RBFOX3: variants seen among roughly 807,000 people sequenced by gnomAD.
RBFOX3 encodes the protein RNA binding protein fox-1 homolog 3.
Under a neutral mutation model 48.7 loss-of-function variants are expected in RBFOX3, and 17 were observed. That is an observed-to-expected ratio of 0.35 (90% CI 0.24 to 0.52). The LOEUF (loss-of-function observed/expected upper bound fraction) is 0.52, where lower values mean the gene tolerates loss of function less well. Ranked by LOEUF, RBFOX3 falls within the 20% of genes least tolerant of loss-of-function variation. RBFOX3 has a pLI of 0.94. For missense variants in RBFOX3, 382 were observed against 497.5 expected, an observed-to-expected ratio of 0.77 and a Z score of 2.21; for synonymous variants, 212 against 209.5, an observed-to-expected ratio of 1.01 and a Z score of -0.10.
intron 2 of RBFOX3, among the ~76,000 whole-genome samples, chr17:79,358,408 C>T (rs535346416): frequency 1.3e-5 from 2 of 152,000 alleles, no homozygotes; most frequent in African/African-American, 4.8e-5. Flanking sequence ...AGGCAAAATC[C>T]CACCTCCTCC....
chr17:79,355,266 G>A (rs1400006881), intron 2 of RBFOX3, among the ~76,000 whole-genome samples: 1 of 152,248 alleles, frequency 6.6e-6, no homozygotes, highest in African/African-American at 2.4e-5. Context: ...CTCTGAACAA[G>A]CATGTGAAGC....
At position 79,097,060 on chromosome 17, in the gene RBFOX3, G is replaced by A. The variant is rs146405464; in HGVS notation, c.756-227C>T. ...TAAAGCATCCAGACAAGGTTCTGGGGCTCTGAATGTCCCCCTAAATGCCAG... is the reference window on the plus strand; with the variant it reads ...TAAAGCATCCAGACAAGGTTCTGGGACTCTGAATGTCCCCCTAAATGCCAG... On this transcript the variant is annotated intron_variant, in intron 11 of 14. Coordinates refer to ENST00000693108, the MANE Select transcript of RBFOX3 (RefSeq NM_001350451.2). 3.0e-4 allele frequency among the ~76,000 whole-genome samples: 46 copies of A among 152,216 alleles called. No homozygotes were observed. In the East Asian group the frequency reaches 7.0e-3, roughly 23 times the overall value.
intron 3 of RBFOX3, among the ~76,000 whole-genome samples, chr17:79,266,448 T>C (rs1440832572): frequency 6.6e-6 from 1 of 152,232 alleles, no homozygotes; most frequent in Non-Finnish European, 1.5e-5. Flanking sequence ...TAGGGGGTAT[T>C]ATTCAGAACT....
intron 2 of RBFOX3, among the ~76,000 whole-genome samples, chr17:79,342,398 G>C (rs7220592): frequency 0.74 from 112,606 of 152,022 alleles, 42,144 homozygotes; most frequent in Non-Finnish European, 0.81. Flanking sequence ...CAGAGTCGAA[G>C]TCTCTCTCTC....
intron 6 of RBFOX3, among the ~76,000 whole-genome samples, chr17:79,104,658 G>A (rs1261564911): frequency 6.6e-6 from 1 of 152,226 alleles, no homozygotes; most frequent in African/African-American, 2.4e-5. Context: ...GGAGACAGAG[G>A]GACATGAGTG....
At chr17:79,352,225 G>GT (rs2147020202) in intron 2 of RBFOX3, among the ~76,000 whole-genome samples, 1 of 152,282 alleles carries the variant, frequency 6.6e-6, no homozygotes, top group African/African-American at 2.4e-5. Flanking sequence ...CATGGGGGTG[G>GT]TTTTTAATGT....
In RBFOX3 at chr17:79,480,217, A is replaced by T. The variant is rs1254140441; in HGVS notation, c.-175+2237T>A. 1.3e-5 allele frequency among the ~76,000 whole-genome samples: 2 copies of T among 151,980 alleles called. No homozygotes were observed. Among genetic ancestry groups the T allele is most frequent in the African/African-American group, 4.8e-5 (2 of 41,394 alleles). ...GTGGCCTTCCTATCTGGGCTCCCCG[A>T]GGGGGCCCCTGATGGTTTACGGAAT... On this transcript the variant is annotated intron_variant, in intron 2 of 14. Coordinates refer to ENST00000693108, the MANE Select transcript of RBFOX3 (RefSeq NM_001350451.2). This position sits in a 1 kb window ranked among gnomAD's most constrained non-coding sequence, Gnocchi z 4.8.
At chr17:79,555,501 G>A (rs1274022203) in intron 1 of RBFOX3, among the ~76,000 whole-genome samples, 1 of 82,614 alleles carries the variant, frequency 1.2e-5, no homozygotes, top group Non-Finnish European at 2.4e-5. Context: ...CAGTGGTGGT[G>A]GTGGTGGTGA....
chr17:79,286,933 C>G (rs1026310271), intron 3 of RBFOX3, among the ~76,000 whole-genome samples: 2 of 152,192 alleles, frequency 1.3e-5, no homozygotes, highest in Non-Finnish European at 2.9e-5. Context: ...GTTCCCTAAT[C>G]CACCCTATGT....
At chr17:79,373,060 C>G (rs988253347) in intron 2 of RBFOX3, among the ~76,000 whole-genome samples, 1 of 152,150 alleles carries the variant, frequency 6.6e-6, no homozygotes, top group African/African-American at 2.4e-5. Flanking sequence ...GCTCACGTCG[C>G]CTCTCAGCAG....
chr17:79,123,551 C>T (rs1358956747), intron 4 of RBFOX3, among the ~76,000 whole-genome samples: 1 of 152,148 alleles, frequency 6.6e-6, no homozygotes, highest in Non-Finnish European at 1.5e-5. Flanking sequence ...CAGTGTGTCA[C>T]ACACAGAGGG....
At chr17:79,548,797 T>C (rs1267171545) in intron 1 of RBFOX3, among the ~76,000 whole-genome samples, 42 of 152,318 alleles carry the variant, frequency 2.8e-4, no homozygotes, top group Non-Finnish European at 3.1e-4. Flanking sequence ...GGACCCGGCA[T>C]ACAAGTGCTC....
intron 1 of RBFOX3, among the ~76,000 whole-genome samples, chr17:79,587,165 C>T (rs1467560308): frequency 1.3e-5 from 2 of 152,178 alleles, no homozygotes; most frequent in African/African-American, 2.4e-5. Context: ...CCTGTGGTGC[C>T]TCCACTCTCC....
the RBFOX3 span, among the ~76,000 whole-genome samples, chr17:79,637,537 T>A: frequency 6.6e-6 from 1 of 151,406 alleles, no homozygotes; most frequent in Non-Finnish European, 1.5e-5. Context: ...CTATTAAAAA[T>A]ACAAAAAATT....
the RBFOX3 span, among the ~76,000 whole-genome samples, chr17:79,648,905 G>T: frequency 2.0e-5 from 3 of 151,948 alleles, no homozygotes; most frequent in East Asian, 5.8e-4. Context: ...GCCACCTGTG[G>T]TGTTACATTC....
chr17:79,211,306 T>C (rs1265601249), intron 4 of RBFOX3, among the ~76,000 whole-genome samples: 1 of 152,210 alleles, frequency 6.6e-6, no homozygotes, highest in Non-Finnish European at 1.5e-5. Flanking sequence ...CCTGTGCCTC[T>C]GACCCTGCCA....
In RBFOX3 at chr17:79,103,016, C is replaced by T; in HGVS notation, c.507+146G>A. 1 of 639,984 alleles carries T rather than the reference C, an allele frequency of 1.6e-6. No individual in the cohort carries two copies. Among genetic ancestry groups the T allele is most frequent in the Non-Finnish European group, 2.8e-6 (1 of 357,838 alleles). 39.6% of individuals were successfully genotyped at this position (639,984 alleles called of 1,614,324 possible). On this transcript the variant is annotated intron_variant, in intron 8 of 14. Coordinates refer to ENST00000693108, the MANE Select transcript of RBFOX3 (RefSeq NM_001350451.2). The surrounding 1 kb of genome is among the most constrained non-coding windows in gnomAD (Gnocchi z 6.1). ...TCAGCCGGCAGCTGAGCACCCTGGC[C>T]TTAGTGCGACCCTTCCTCCCACCCC...
chr17:79,142,905 C>A (rs1599645085), intron 4 of RBFOX3, among the ~76,000 whole-genome samples: 1 of 152,128 alleles, frequency 6.6e-6, no homozygotes, highest in East Asian at 1.9e-4. Flanking sequence ...CCCTGAAGAC[C>A]ACGGCCTCCC....
chr17:79,298,908 C>T (rs1293730107), intron 3 of RBFOX3, among the ~76,000 whole-genome samples: 1 of 152,172 alleles, frequency 6.6e-6, no homozygotes, highest in Non-Finnish European at 1.5e-5. Context: ...GCTGGCAGGA[C>T]AAGACAGCAG....
Sources: allele counts gnomAD v4.1 joint callset (sites outside exome capture counted in the v4.1 genomes callset), GRCh38; gene constraint gnomAD v4.1.1; non-coding constraint Gnocchi (gnomAD v3.1); transcripts MANE v1.5; gene names NCBI Gene and HGNC (gene_info 2026-07-23, HGNC 2026-07-21).